The following GNG2 variants were observed in gnomAD, a reference collection of about 807,000 sequenced individuals.
GNG2 encodes G protein subunit gamma 2.
In GNG2, 5 loss-of-function variants were observed where a neutral mutation model predicts 5.5. The observed-to-expected ratio is 0.91, with a 90% CI of 0.48 to 1.92. The LOEUF is 1.92. Among genes scored for constraint, GNG2 ranks in the 30% most tolerant of loss-of-function variants. GNG2 has a pLI of 0.01. For synonymous variants in GNG2, 28 were observed against 32.0 expected, an observed-to-expected ratio of 0.88 and a Z score of 0.42; for missense variants, 55 against 88.4, an observed-to-expected ratio of 0.62 and a Z score of 1.52.
chr14:51,945,583 A>G (rs1303305675), intron 2 of GNG2, among the ~76,000 whole-genome samples: 1 of 152,182 alleles, frequency 6.6e-6, no homozygotes, highest in Non-Finnish European at 1.5e-5. Context: ...TTGCAAGGTA[A>G]AAAGAGTTCT....
At chr14:51,886,952 T>G (rs188569483) in intron 2 of GNG2, among the ~76,000 whole-genome samples, 91 of 152,280 alleles carry the variant, frequency 6.0e-4, no homozygotes, top group Admixed American at 3.1e-3. Context: ...ATCACGGAAG[T>G]CTTGCATGAA....
intron 2 of GNG2, among the ~76,000 whole-genome samples, chr14:51,949,734 G>A (rs1888862374): frequency 6.6e-6 from 1 of 152,180 alleles, no homozygotes; most frequent in Non-Finnish European, 1.5e-5. Context: ...CACAAAGTAA[G>A]ATTTGTTCAG....
At chr14:51,950,420 G>GT (rs917470825) in intron 2 of GNG2, among the ~76,000 whole-genome samples, 8 of 151,956 alleles carry the variant, frequency 5.3e-5, no homozygotes, top group African/African-American at 1.2e-4. Flanking sequence ...TTGTGTGTGT[G>GT]TTTTTTTTCT....
chr14:51,928,882 C>T (rs1887496641), intron 2 of GNG2, among the ~76,000 whole-genome samples: 1 of 152,132 alleles, frequency 6.6e-6, no homozygotes, highest in Non-Finnish European at 1.5e-5. Flanking sequence ...CGGGTGTTTG[C>T]CATTTTCTAG....
chr14:51,944,290 A>G (rs1357553185), intron 2 of GNG2, among the ~76,000 whole-genome samples: 1 of 152,236 alleles, frequency 6.6e-6, no homozygotes, highest in Non-Finnish European at 1.5e-5. Flanking sequence ...AATGTGCAAG[A>G]TCAAGATGTC....
intron 2 of GNG2, among the ~76,000 whole-genome samples, chr14:51,845,384 C>T (rs1881595385): frequency 6.6e-6 from 1 of 152,180 alleles, no homozygotes; most frequent in Non-Finnish European, 1.5e-5. Flanking sequence ...GTCCCAGTTA[C>T]TCAGGAGGCT....
intron 2 of GNG2, among the ~76,000 whole-genome samples, chr14:51,926,913 C>T (rs1566691333): frequency 6.6e-6 from 1 of 152,152 alleles, no homozygotes; most frequent in Non-Finnish European, 1.5e-5. Context: ...CTTTCCTCGC[C>T]ATTAGCAGTT....
intron 2 of GNG2, among the ~76,000 whole-genome samples, chr14:51,895,790 A>G (rs1885150834): frequency 6.6e-6 from 1 of 152,176 alleles, no homozygotes; most frequent in Non-Finnish European, 1.5e-5. Flanking sequence ...GTGGGAGATG[A>G]TTGAATTATG....
intron 2 of GNG2, among the ~76,000 whole-genome samples, chr14:51,904,879 C>T (rs1885809476): frequency 6.6e-6 from 1 of 152,220 alleles, no homozygotes; most frequent in Non-Finnish European, 1.5e-5. Context: ...GAGACATCTT[C>T]AAACAGTCGC....
chr14:51,886,133 A>G (rs1477128540), intron 2 of GNG2, among the ~76,000 whole-genome samples: 1 of 152,248 alleles, frequency 6.6e-6, no homozygotes, highest in African/African-American at 2.4e-5. Flanking sequence ...GTGGAATACC[A>G]TATGCAAAAA....
chr14:51,964,907 G>A (rs546695402), intron 3 of GNG2, among the ~76,000 whole-genome samples: 29 of 152,310 alleles, frequency 1.9e-4, no homozygotes, highest in Non-Finnish European at 2.9e-4. Flanking sequence ...GCTGAGGCAG[G>A]AGTGACAAAG....
intron 2 of GNG2, among the ~76,000 whole-genome samples, chr14:51,930,853 G>C (rs1456666490): frequency 1.3e-5 from 2 of 152,116 alleles, no homozygotes; most frequent in East Asian, 1.9e-4. Flanking sequence ...AAGAGGAGAA[G>C]AGAGAAGACA....
At chr14:51,907,215 C>T (rs1350142816) in intron 2 of GNG2, among the ~76,000 whole-genome samples, 1 of 152,196 alleles carries the variant, frequency 6.6e-6, no homozygotes, top group Non-Finnish European at 1.5e-5. Context: ...AAATTGGTTC[C>T]TTCCAGACAT....
chr14:51,942,555 A>G (rs539829288), intron 2 of GNG2, among the ~76,000 whole-genome samples: 1 of 53,786 alleles, frequency 1.9e-5, no homozygotes, highest in South Asian at 6.1e-4. Flanking sequence ...GATTATTAGA[A>G]TTTTATTTAT....
intron 2 of GNG2, among the ~76,000 whole-genome samples, chr14:51,915,688 A>G (rs1188164873): frequency 2.0e-5 from 3 of 152,230 alleles, no homozygotes; most frequent in Admixed American, 2.0e-4. Flanking sequence ...TATTTTTCTA[A>G]AATATTTTGT....
chr14:51,963,334 C>G (rs1457765858), intron 3 of GNG2, among the ~76,000 whole-genome samples: 33 of 152,268 alleles, frequency 2.2e-4, no homozygotes. Flanking sequence ...ATTCATGCTA[C>G]ATAGTTGTAT....
intron 2 of GNG2, among the ~76,000 whole-genome samples, chr14:51,921,452 A>C (rs1033916297): frequency 6.6e-6 from 1 of 152,244 alleles, no homozygotes; most frequent in Non-Finnish European, 1.5e-5. Flanking sequence ...TTTGGGAACC[A>C]ATAATTGACA....
intron 1 of GNG2, among the ~76,000 whole-genome samples, chr14:51,877,065 G>A (rs150903496): frequency 6.7e-4 from 102 of 152,268 alleles, no homozygotes; most frequent in African/African-American, 2.3e-3. Flanking sequence ...GGGCATAGGT[G>A]TCTTCTACTT....
intron 2 of GNG2, among the ~76,000 whole-genome samples, chr14:51,914,891 G>A (rs916223729): frequency 6.6e-6 from 1 of 152,122 alleles, no homozygotes; most frequent in African/African-American, 2.4e-5. Flanking sequence ...TCTCAATTGG[G>A]GGGAAATGGA....
Sources: allele counts gnomAD v4.1 joint callset (sites outside exome capture counted in the v4.1 genomes callset), GRCh38; gene constraint gnomAD v4.1.1; transcripts MANE v1.5; gene names NCBI Gene and HGNC (gene_info 2026-07-23, HGNC 2026-07-21).